WWOX: variants seen among roughly 807,000 people sequenced by gnomAD.
WWOX encodes WW domain-containing oxidoreductase.
A neutral mutation model predicts 46.2 loss-of-function variants in WWOX; 69 were observed. The observed-to-expected ratio is 1.49, with a 90% confidence interval of 1.23 to 1.82. The LOEUF is 1.82. Among genes scored for constraint, WWOX ranks in the 40% most tolerant of loss-of-function variants. WWOX has a pLI of 0.00. For synonymous variants in WWOX, 359 were observed against 202.6 expected, an observed-to-expected ratio of 1.77 and a Z score of -6.56; for missense variants, 919 against 542.6, an observed-to-expected ratio of 1.69 and a Z score of -6.89.
intron 8 of WWOX, among the ~76,000 whole-genome samples, chr16:78,833,406 C>T (rs1301994928): frequency 7.0e-6 from 1 of 142,610 alleles, no homozygotes; most frequent in African/African-American, 2.6e-5. Flanking sequence ...CTCATGTTTA[C>T]TTAATGGCCC....
At chr16:78,461,016 G>C (rs1292567408) in intron 8 of WWOX, among the ~76,000 whole-genome samples, 1 of 152,224 alleles carries the variant, frequency 6.6e-6, no homozygotes, top group East Asian at 1.9e-4. Context: ...TTTCATACTT[G>C]AAGAGTGGAC....
At chr16:78,801,076 C>G (rs2050873368) in intron 8 of WWOX, among the ~76,000 whole-genome samples, 1 of 150,324 alleles carries the variant, frequency 6.7e-6, no homozygotes, top group African/African-American at 2.5e-5. Context: ...TTTTTAAAGA[C>G]AGAGTCTCAC....
At chr16:78,357,062 A>G (rs1319444177) in intron 5 of WWOX, among the ~76,000 whole-genome samples, 4 of 152,194 alleles carry the variant, frequency 2.6e-5, no homozygotes, top group African/African-American at 9.7e-5. Context: ...GGATTTCTAG[A>G]AGGCCCAGGC....
chr16:78,144,486 T>TAC lies in WWOX; in HGVS notation c.410-19683_410-19682dup, dbSNP rs1215643920. Among the ~76,000 whole-genome samples, 3 of 19,842 alleles carry TAC rather than the reference T, an allele frequency of 1.5e-4. 1 individual carries two copies. Among genetic ancestry groups the TAC allele is most frequent in the Non-Finnish European group, 2.8e-4 (3 of 10,554 alleles). 13.0% of individuals were successfully genotyped at this position (19,842 alleles called of 152,430 possible). ...ATACACACATATATATATATATATA[T>TAC]ACACACACACACACATATATATATA... On this transcript the variant is annotated intron_variant, in intron 4 of 8. Coordinates refer to ENST00000566780, the MANE Select transcript of WWOX (RefSeq NM_016373.4).
intron 5 of WWOX, among the ~76,000 whole-genome samples, chr16:78,192,836 C>T (rs545258104): frequency 3.3e-5 from 5 of 152,216 alleles, no homozygotes; most frequent in Non-Finnish European, 7.3e-5. Flanking sequence ...TTAAGTGAAA[C>T]ATAAAGCTAT....
chr16:78,656,493 A>C (rs979707743), intron 8 of WWOX, among the ~76,000 whole-genome samples: 1 of 152,212 alleles, frequency 6.6e-6, no homozygotes, highest in Non-Finnish European at 1.5e-5. Context: ...AAAGGGAAGC[A>C]GGCATGTTCT....
chr16:78,749,436 G>C (rs946053281), intron 8 of WWOX, among the ~76,000 whole-genome samples: 5 of 152,192 alleles, frequency 3.3e-5, no homozygotes, highest in Non-Finnish European at 7.3e-5. Flanking sequence ...GAAAGAGAGA[G>C]ACCCAAAATA....
chr16:78,487,741 G>T (rs1477222741), intron 8 of WWOX, among the ~76,000 whole-genome samples: 1 of 152,136 alleles, frequency 6.6e-6, no homozygotes, highest in Non-Finnish European at 1.5e-5. Context: ...CTTCTGGGGA[G>T]TAAAATGGCC....
At chr16:78,369,134 T>A (rs1014758040) in intron 5 of WWOX, among the ~76,000 whole-genome samples, 2 of 152,126 alleles carry the variant, frequency 1.3e-5, no homozygotes, top group Admixed American at 1.3e-4. Context: ...AAAGGAAAAC[T>A]CATTAATGTG....
intron 8 of WWOX, among the ~76,000 whole-genome samples, chr16:79,008,673 A>T (rs973578732): frequency 1.3e-5 from 2 of 152,124 alleles, no homozygotes; most frequent in African/African-American, 4.8e-5. Flanking sequence ...GGTCATACTG[A>T]TGTCACTCTC....
chr16:78,607,570 G>C (rs967676811), intron 8 of WWOX, among the ~76,000 whole-genome samples: 1 of 151,914 alleles, frequency 6.6e-6, no homozygotes, highest in African/African-American at 2.4e-5. Context: ...TGTTGTCTTA[G>C]ACCCGGAGAA....
intron 8 of WWOX, among the ~76,000 whole-genome samples, chr16:78,949,718 C>A (rs1391051495): frequency 6.6e-6 from 1 of 152,160 alleles, no homozygotes; most frequent in African/African-American, 2.4e-5. Flanking sequence ...CATAGCTGTC[C>A]CTGATCTACC....
At chr16:78,323,489 C>G (rs372705454) in intron 5 of WWOX, among the ~76,000 whole-genome samples, 9 of 144,042 alleles carry the variant, frequency 6.2e-5, no homozygotes, top group Non-Finnish European at 1.3e-4. Flanking sequence ...CCAGCAGTTT[C>G]TGCTTTTTCT....
intron 8 of WWOX, chr16:78,899,423 T>C (rs1334113509): frequency 1.3e-5 from 2 of 152,228 alleles, no homozygotes; most frequent in Non-Finnish European, 2.9e-5. Flanking sequence ...TTACCCCGTA[T>C]GTCACTTTCC....
intron 5 of WWOX, among the ~76,000 whole-genome samples, chr16:78,382,124 G>T (rs1175175639): frequency 1.3e-5 from 2 of 152,254 alleles, no homozygotes; most frequent in East Asian, 3.9e-4. Context: ...CCTGAAACAA[G>T]CCCAGAGAGG....
At chr16:78,380,120 T>C (rs1036967606) in intron 5 of WWOX, among the ~76,000 whole-genome samples, 13 of 152,300 alleles carry the variant, frequency 8.5e-5, no homozygotes, top group African/African-American at 2.9e-4. Context: ...AGAAGTGTAC[T>C]TGGGCTACCG....
chr16:78,809,796 C>G (rs1160226294), intron 8 of WWOX, among the ~76,000 whole-genome samples: 1 of 152,104 alleles, frequency 6.6e-6, no homozygotes, highest in Non-Finnish European at 1.5e-5. Flanking sequence ...GCGGTGTGTT[C>G]AGTGTGTGAG....
At chr16:78,375,493 A>G (rs2081797660) in intron 5 of WWOX, among the ~76,000 whole-genome samples, 1 of 152,226 alleles carries the variant, frequency 6.6e-6, no homozygotes, top group Non-Finnish European at 1.5e-5. Context: ...AGTGCTATTG[A>G]CTGTGCATCA....
At chr16:79,006,608 A>T (rs2047196018) in intron 8 of WWOX, among the ~76,000 whole-genome samples, 2 of 152,172 alleles carry the variant, frequency 1.3e-5, no homozygotes, top group Non-Finnish European at 2.9e-5. Context: ...TACCGTCTTA[A>T]AAACCTAAAT....
Sources: gnomAD v4.1 joint callset for allele counts (sites outside exome capture counted in the v4.1 genomes callset) on GRCh38, gnomAD v4.1.1 for gene constraint, MANE v1.5 for transcripts, NCBI Gene and HGNC (gene_info 2026-07-23, HGNC 2026-07-21) for gene names.